PTPRN2: variants seen among roughly 807,000 people sequenced by gnomAD.
PTPRN2 encodes the protein receptor-type tyrosine-protein phosphatase N2.
PTPRN2 carries 74 observed loss-of-function variants against 118.8 expected under a neutral mutation model. The observed-to-expected ratio is 0.62, with a 90% CI of 0.52 to 0.76. The LOEUF is 0.76. PTPRN2 is among the 30% of genes least tolerant of loss of function. PTPRN2 has a pLI of 0.00. For missense variants in PTPRN2, 1,481 were observed against 1,394.4 expected (o/e 1.06, Z -0.99); for synonymous variants, 641 against 608.0 (o/e 1.05, Z -0.80).
intron 12 of PTPRN2, among the ~76,000 whole-genome samples, chr7:157,847,508 AT>A: frequency 7.1e-6 from 1 of 140,638 alleles, no homozygotes; most frequent in African/African-American, 2.7e-5. Flanking sequence ...TCACTCCATC[AT>A]GCGTGCCCGA....
chr7:158,492,399 G>A (rs558896553), intron 1 of PTPRN2, among the ~76,000 whole-genome samples: 37 of 152,200 alleles, frequency 2.4e-4, no homozygotes, highest in Non-Finnish European at 4.1e-4. Flanking sequence ...GAGAGGCACC[G>A]GGAAGAAAGC....
At chr7:157,856,374 G>T (rs1488527973) in intron 12 of PTPRN2, among the ~76,000 whole-genome samples, 1 of 152,210 alleles carries the variant, frequency 6.6e-6, no homozygotes, top group African/African-American at 2.4e-5. Flanking sequence ...CGCTTTTCAA[G>T]CACACACATT....
In PTPRN2 at chr7:157,573,359, C is replaced by T. The variant is rs190246593; in HGVS notation, c.2784-1866G>A. On this transcript the variant is annotated intron_variant, in intron 19 of 22. Transcript: ENST00000389418. Reference sequence around the variant, plus strand: ...GAGGAGTTTACTGGCCATGGCTCAGCCTCTGAATCTTGCAAATGGGAATGA... The same window carrying T: ...GAGGAGTTTACTGGCCATGGCTCAGTCTCTGAATCTTGCAAATGGGAATGA... Among the ~76,000 whole-genome samples the T allele has an allele frequency of 1.8e-4, 27 of 152,370 alleles. No homozygotes were observed. The East Asian group carries it at 5.0e-3, about 28-fold the overall frequency.
chr7:158,366,441 ACG>A (rs1809529606), intron 2 of PTPRN2, among the ~76,000 whole-genome samples: 1 of 151,370 alleles, frequency 6.6e-6, no homozygotes, highest in African/African-American at 2.4e-5. Flanking sequence ...ACGCGTGCAC[ACG>A]CACACACACC....
At chr7:157,887,945 A>G (rs1272213501) in intron 12 of PTPRN2, among the ~76,000 whole-genome samples, 1 of 149,256 alleles carries the variant, frequency 6.7e-6, no homozygotes, top group Non-Finnish European at 1.5e-5. Flanking sequence ...TGAGTGGGCA[A>G]GAGCCCACAC....
In PTPRN2 at chr7:157,575,996, T is replaced by C. The variant is rs368083843; in HGVS notation, c.2783+617A>G. Reference sequence around the variant, plus strand: ...AAGCTGTGGTCTTAAATGCTGCTTTTTTTTCATTGTCAATTTCTTCCTGTA... The same window carrying C: ...AAGCTGTGGTCTTAAATGCTGCTTTCTTTTCATTGTCAATTTCTTCCTGTA... On this transcript the variant is annotated intron_variant, in intron 19 of 22. Transcript: ENST00000389418. Among the ~76,000 whole-genome samples, 4 of 152,348 alleles carry C rather than the reference T, an allele frequency of 2.6e-5. No homozygotes were observed. In the East Asian group the frequency reaches 5.8e-4, roughly 22 times the overall value.
At chr7:158,530,969 T>C (rs930853849) in intron 1 of PTPRN2, among the ~76,000 whole-genome samples, 4 of 152,200 alleles carry the variant, frequency 2.6e-5, no homozygotes, top group Non-Finnish European at 5.9e-5. Context: ...TGTACGGATG[T>C]ATCTGTATGC....
chr7:158,057,175 T>C (rs986708408), intron 11 of PTPRN2, among the ~76,000 whole-genome samples: 2 of 152,300 alleles, frequency 1.3e-5, no homozygotes. Flanking sequence ...AATACAGAAA[T>C]GACCCTTAAC....
At chr7:158,026,204 T>C (rs923759518) in intron 11 of PTPRN2, among the ~76,000 whole-genome samples, 1 of 152,238 alleles carries the variant, frequency 6.6e-6, no homozygotes, top group African/African-American at 2.4e-5. Flanking sequence ...TAAGTGCCTA[T>C]TTAGGAAAAA....
intron 2 of PTPRN2, among the ~76,000 whole-genome samples, chr7:158,405,888 A>G (rs952046827): frequency 6.8e-6 from 1 of 147,444 alleles, no homozygotes; most frequent in African/African-American, 2.5e-5. Context: ...GTGTCCGCAC[A>G]CTGAGATCCC....
chr7:157,956,269 T>A (rs1358585537), intron 11 of PTPRN2, among the ~76,000 whole-genome samples: 1 of 152,146 alleles, frequency 6.6e-6, no homozygotes, highest in Non-Finnish European at 1.5e-5. Flanking sequence ...GCAAGAGACG[T>A]GGAGCACATC....
At position 158,407,635 on chromosome 7, in the gene PTPRN2, GTCCTGGGTCCTGGGTCCTGCA is replaced by G. The variant is rs1563255557; in HGVS notation, c.163+82079_163+82099del. Reference sequence around the variant, plus strand: ...CTGGGTCCTGGGTCCTGGGTCCTGCGTCCTGGGTCCTGGGTCCTGCATCCTGCGTCCTGCGTCCTGGGTCCT... The same window carrying G: ...CTGGGTCCTGGGTCCTGGGTCCTGCGTCCTGCGTCCTGCGTCCTGGGTCCT... On this transcript the variant is annotated intron_variant, in intron 2 of 22. Transcript: ENST00000389418. Among the ~76,000 whole-genome samples, 64 of 72,674 alleles carry G rather than the reference GTCCTGGGTCCTGGGTCCTGCA, an allele frequency of 8.8e-4. 10 individuals carry two copies. Among genetic ancestry groups the G allele is most frequent in the South Asian group, 3.1e-3 (4 of 1,290 alleles). The allele number at this position is 72,674 out of a possible 152,430, so 47.7% of individuals were successfully genotyped here. A position where few individuals can be genotyped will look rare whatever the true frequency, so the allele number is the denominator to read the frequency against.
intron 3 of PTPRN2, among the ~76,000 whole-genome samples, chr7:158,244,690 TGTGA>T (rs1043585403): frequency 3.6e-4 from 51 of 140,500 alleles, no homozygotes; most frequent in East Asian, 1.1e-3. Flanking sequence ...CTGTGTAAGT[TGTGA>T]GTGTGTGTGG....
At chr7:157,562,944 C>CCA (rs35249281) in intron 21 of PTPRN2, among the ~76,000 whole-genome samples, 23 of 126,000 alleles carry the variant, frequency 1.8e-4, no homozygotes, top group East Asian at 5.2e-4. Flanking sequence ...TCCCACATCA[C>CCA]CACACAGCAG....
At chr7:158,554,814 CTG>C (rs552229715) in intron 1 of PTPRN2, among the ~76,000 whole-genome samples, 56 of 152,228 alleles carry the variant, frequency 3.7e-4, no homozygotes, top group African/African-American at 1.3e-3. Flanking sequence ...CCTCCATGGG[CTG>C]TGTCTGGAAT....
intron 11 of PTPRN2, among the ~76,000 whole-genome samples, chr7:157,910,163 C>T (rs766305633): frequency 2.6e-5 from 4 of 152,246 alleles, no homozygotes; most frequent in African/African-American, 7.2e-5. Flanking sequence ...GCCATGAGCA[C>T]GGGTGCAGGA....
intron 14 of PTPRN2, among the ~76,000 whole-genome samples, chr7:157,638,424 C>T (rs1358194633): frequency 1.3e-5 from 2 of 152,254 alleles, no homozygotes; most frequent in Non-Finnish European, 2.9e-5. Flanking sequence ...TTCCTGTGAG[C>T]AGTGAAATTT....
At chr7:158,484,339 C>T (rs1820849154) in intron 2 of PTPRN2, among the ~76,000 whole-genome samples, 1 of 152,118 alleles carries the variant, frequency 6.6e-6, no homozygotes, top group Non-Finnish European at 1.5e-5. Flanking sequence ...ACTTACCTCT[C>T]CTGGACTTAT....
At chr7:157,855,241 C>T (rs1034903072) in intron 12 of PTPRN2, among the ~76,000 whole-genome samples, 8 of 151,726 alleles carry the variant, frequency 5.3e-5, no homozygotes, top group African/African-American at 1.4e-4. Flanking sequence ...GGCGTGTGTG[C>T]GGGGCTTGCT....
Sources: gnomAD v4.1 joint callset for allele counts (sites outside exome capture counted in the v4.1 genomes callset) on GRCh38, gnomAD v4.1.1 for gene constraint, MANE v1.5 for transcripts, NCBI Gene and HGNC (gene_info 2026-07-23, HGNC 2026-07-21) for gene names.